Variants in ATAD3B observed in about 807,000 individuals in gnomAD.
ATAD3B encodes ATPase family AAA domain containing 3B, also known as ATPase family AAA domain-containing protein 3B.
ATAD3B carries 59 observed loss-of-function variants against 70.2 expected under a neutral mutation model. The observed-to-expected ratio is 0.84, with a 90% CI of 0.68 to 1.04. The LOEUF is 1.04. ATAD3B is among the 50% of genes least tolerant of loss of function. The pLI is 0.00. For synonymous variants in ATAD3B, 423 were observed against 388.6 expected (o/e 1.09, Z -1.04); for missense variants, 961 against 913.4 (o/e 1.05, Z -0.67).
chr1:1,493,942 T>G (rs1255675550), intron 15 of ATAD3B, among the ~76,000 whole-genome samples: 2 of 151,842 alleles, frequency 1.3e-5, no homozygotes, highest in East Asian at 3.9e-4. Context: ...CTAGGATGAG[T>G]GAGGAAATGT....
downstream of ATAD3B, among the ~76,000 whole-genome samples, chr1:1,499,118 C>T (rs1640884800): frequency 1.3e-5 from 2 of 151,768 alleles, no homozygotes; most frequent in Admixed American, 1.3e-4. Context: ...ACCACAGGTG[C>T]CCGCCACCAC....
rs978319492 is a variant in ATAD3B, at chr1:1,495,918, C to A, written c.*101C>A. 1 of 1,435,426 alleles carries A rather than the reference C, an allele frequency of 7.0e-7. No homozygotes were observed. The highest frequency in any genetic ancestry group is 1.4e-5 in the African/African-American group (1 of 70,084). The allele number at this position is 1,435,426 out of a possible 1,614,324, so 88.9% of individuals were successfully genotyped here. ...ACAGGGGGAGGGTGAGGCTTTGTAC[C>A]CCAGCCCCTGCCCAGGCCACTGTGA... On this transcript the variant is annotated 3_prime_UTR_variant, in exon 16 of 16. Coordinates refer to ENST00000673477, the MANE Select transcript of ATAD3B (RefSeq NM_031921.6).
chr1:1,498,564 G>A (rs1259844924), downstream of ATAD3B, among the ~76,000 whole-genome samples: 3 of 151,844 alleles, frequency 2.0e-5, no homozygotes, highest in African/African-American at 4.8e-5. Flanking sequence ...GAACTCATTG[G>A]GTTTTTCTCC....
At chr1:1,505,167 GAGTGTGAGCCATCTCC>G in the ATAD3B span, among the ~76,000 whole-genome samples, 63 of 152,304 alleles carry the variant, frequency 4.1e-4, 1 homozygote, top group African/African-American at 1.5e-3. Flanking sequence ...GCAGGATAAG[GAGTGTGAGCCATCTCC>G]AGTGATAGGT....
the ATAD3B span, among the ~76,000 whole-genome samples, chr1:1,507,793 C>T: frequency 6.6e-6 from 1 of 152,212 alleles, no homozygotes; most frequent in Non-Finnish European, 1.5e-5. Flanking sequence ...GTGAAGAAAT[C>T]AGGTCCAGGT....
chr1:1,508,002 C>T, the ATAD3B span, among the ~76,000 whole-genome samples: 1 of 152,200 alleles, frequency 6.6e-6, no homozygotes, highest in African/African-American at 2.4e-5. Flanking sequence ...CTGGTGGGCT[C>T]CTGCCAGGTC....
chr1:1,498,968 C>CTTTTTTTTTTTTTTTTTTTTT (rs377252484), downstream of ATAD3B, among the ~76,000 whole-genome samples: 1 of 140,746 alleles, frequency 7.1e-6, no homozygotes, highest in African/African-American at 2.6e-5. Context: ...TGTGGTTCCT[C>CTTTTTTTTTTTTTTTTTTTTT]TTTTTTTTTT....
rs368365041 is a variant in ATAD3B, at chr1:1,478,504, A to G, written c.283-140A>G. ...AGGGCCTGATCCTGGGTGCAGATGC[A>G]GCTGGAAGCCCTGAACCTGCTGCAC... On this transcript the variant is annotated intron_variant, in intron 2 of 15. Coordinates refer to ENST00000673477, the MANE Select transcript of ATAD3B (RefSeq NM_031921.6). The G allele has an allele frequency of 5.8e-3, 8,848 of 1,529,096 alleles. 272 individuals are homozygous for G. The highest frequency in any genetic ancestry group is 0.027 in the Admixed American group (1,362 of 49,770). 94.7% of individuals were successfully genotyped at this position (1,529,096 alleles called of 1,614,324 possible).
chr1:1,483,487 A>G lies in ATAD3B; in HGVS notation c.750+873A>G, dbSNP rs1334869099. 5.0e-5 allele frequency: 10 copies of G among 199,368 alleles called. No individual in the cohort carries two copies. The East Asian group carries it at 1.2e-3, about 25-fold the overall frequency. 12.3% of individuals were successfully genotyped at this position (199,368 alleles called of 1,614,324 possible). A position where few individuals can be genotyped will look rare whatever the true frequency, so the allele number is the denominator to read the frequency against. On this transcript the variant is annotated intron_variant, in intron 7 of 15. Transcript: ENST00000673477. ...TGTCTCAAAAAAACAAACAAAATAA[A>G]TAAGCCAGGCCTGGTGGCTCACTGG...
chr1:1,505,199 C>G, the ATAD3B span, among the ~76,000 whole-genome samples: 7 of 152,092 alleles, frequency 4.6e-5, 1 homozygote, highest in East Asian at 1.4e-3. Flanking sequence ...TAGGTAAGGT[C>G]ACGTGGGTCA....
intron 4 of ATAD3B, among the ~76,000 whole-genome samples, chr1:1,479,621 G>A (rs1184966936): frequency 7.5e-6 from 1 of 133,208 alleles, no homozygotes; most frequent in African/African-American, 2.9e-5. Context: ...CCCACACAGG[G>A]GCATGCTCAC....
chr1:1,486,508 A>T, intron 10 of ATAD3B, 36 bp from the exon 11 acceptor site: 1 of 1,611,818 alleles, frequency 6.2e-7, no homozygotes, highest in Non-Finnish European at 8.5e-7. Context: ...GGCAGAGGGA[A>T]CATCTGTTCT....
At chr1:1,480,173 A>G (rs1639833154) in intron 4 of ATAD3B, among the ~76,000 whole-genome samples, 1 of 133,580 alleles carries the variant, frequency 7.5e-6, no homozygotes, top group South Asian at 2.6e-4. Context: ...GCACCTGCAC[A>G]CGAGGGCACA....
At chr1:1,474,045 C>T (rs966121878) in intron 1 of ATAD3B, among the ~76,000 whole-genome samples, 4 of 151,936 alleles carry the variant, frequency 2.6e-5, no homozygotes, top group East Asian at 1.9e-4. Context: ...TGGGCACCAC[C>T]GACAGTGCGT....
At chr1:1,484,424 GC>G (rs1222163875) in intron 7 of ATAD3B, 1 of 152,270 alleles carries the variant, frequency 6.6e-6, no homozygotes, top group East Asian at 1.9e-4. Context: ...CTCGTGATCC[GC>G]CCGCGTGGGC....
chr1:1,478,018 T>G (rs889165527), intron 2 of ATAD3B: 1 of 31,734 alleles, frequency 3.2e-5, no homozygotes, highest in Non-Finnish European at 7.2e-5. Flanking sequence ...TTATTTTATT[T>G]TGAGACAGAG....
chr1:1,499,552 C>G (rs1640896825), downstream of ATAD3B, among the ~76,000 whole-genome samples: 1 of 130,718 alleles, frequency 7.7e-6, no homozygotes, highest in African/African-American at 2.9e-5. Flanking sequence ...ATTATGTCTT[C>G]TATTCACCCT....
chr1:1,499,838 C>G (rs935154783), downstream of ATAD3B, among the ~76,000 whole-genome samples: 1 of 151,462 alleles, frequency 6.6e-6, no homozygotes, highest in East Asian at 2.0e-4. Flanking sequence ...AGGTGATCCA[C>G]CCACCTCGGC....
intron 1 of ATAD3B, among the ~76,000 whole-genome samples, chr1:1,475,984 C>G (rs1639568465): frequency 1.3e-5 from 2 of 149,728 alleles, no homozygotes; most frequent in African/African-American, 5.0e-5. Context: ...TGCTCTGTGG[C>G]AGGACCCTGG....
Sources: gnomAD v4.1 joint callset for allele counts (sites outside exome capture counted in the v4.1 genomes callset) on GRCh38, gnomAD v4.1.1 for gene constraint, MANE v1.5 for transcripts, NCBI Gene and HGNC (gene_info 2026-07-23, HGNC 2026-07-21) for gene names.